SLC37A1: variants seen among roughly 807,000 people sequenced by gnomAD.
The protein encoded by SLC37A1 is glucose-6-phosphate exchanger SLC37A1.
SLC37A1 carries 49 observed loss-of-function variants against 75.3 expected under a neutral mutation model. That is an observed-to-expected ratio of 0.65 (90% CI 0.52 to 0.83). The LOEUF (loss-of-function observed/expected upper bound fraction) is 0.83, where lower values mean the gene tolerates loss of function less well. SLC37A1 is among the 40% of genes least tolerant of loss of function. The pLI is 0.00. For missense variants in SLC37A1, 566 were observed against 695.0 expected (o/e 0.81, Z 2.09); for synonymous variants, 268 against 292.1 (o/e 0.92, Z 0.84).
At chr21:42,538,712 G>A (rs1429346557) in intron 5 of SLC37A1, among the ~76,000 whole-genome samples, 1 of 152,246 alleles carries the variant, frequency 6.6e-6, no homozygotes, top group East Asian at 1.9e-4. Context: ...ATTAGGTATT[G>A]TGCTGTGATG....
chr21:42,531,968 G>T lies in SLC37A1; in HGVS notation c.139-2730G>T, dbSNP rs77771147. Among the ~76,000 whole-genome samples, 888 of 152,070 alleles carry T rather than the reference G, an allele frequency of 5.8e-3. 6 individuals are homozygous for T. The highest frequency in any genetic ancestry group is 0.021 in the African/African-American group (852 of 41,464). ...CCGGACTCACAGTGGCCCTTTCCTGGACCCTTCCCAGGGGCGGAGGGCCAG... is the reference window on the plus strand; with the variant it reads ...CCGGACTCACAGTGGCCCTTTCCTGTACCCTTCCCAGGGGCGGAGGGCCAG... On this transcript the variant is annotated intron_variant, in intron 3 of 19. Coordinates refer to ENST00000352133, the MANE Select transcript of SLC37A1 (RefSeq NM_001320537.2).
intron 4 of SLC37A1, among the ~76,000 whole-genome samples, chr21:42,535,181 TAAAAG>T (rs1466298685): frequency 5.3e-5 from 8 of 152,238 alleles, no homozygotes; most frequent in Non-Finnish European, 1.2e-4. Flanking sequence ...AGTGGACACG[TAAAAG>T]AAAAGGCATC....
At chr21:42,518,594 C>T (rs1010517209) in intron 2 of SLC37A1, 84 bp downstream of exon 2, 1 of 1,453,004 alleles carries the variant, frequency 6.9e-7, no homozygotes, top group African/African-American at 1.4e-5. Flanking sequence ...GCCCCAGTTT[C>T]ATTATAAAAC....
intron 6 of SLC37A1, 31 bp from the exon 7 acceptor site, chr21:42,542,373 A>G (rs2146881568): frequency 6.2e-7 from 1 of 1,606,344 alleles, no homozygotes; most frequent in Non-Finnish European, 8.5e-7. Flanking sequence ...TGCTTCCCAC[A>G]GGTCAGTCTC....
In SLC37A1 at chr21:42,548,822, G is replaced by T. The variant is rs2055487763; in HGVS notation, c.768+1682G>T. On this transcript the variant is annotated intron_variant, in intron 9 of 19. Coordinates refer to ENST00000352133, the MANE Select transcript of SLC37A1 (RefSeq NM_001320537.2). This position sits in a 1 kb window ranked among gnomAD's most constrained non-coding sequence, Gnocchi z 5.6. ...GAAGGGTGCGAGCCCCTCGGGCCTG[G>T]ATCATCACTGGGTCCCGGCACCTGG... Among the ~76,000 whole-genome samples, 1 of 152,216 alleles carries T rather than the reference G, an allele frequency of 6.6e-6. No homozygotes were observed. Among genetic ancestry groups the T allele is most frequent in the Admixed American group, 6.5e-5 (1 of 15,288 alleles).
In SLC37A1 at chr21:42,564,756, C is replaced by T. The variant is rs751182746; in HGVS notation, c.1184C>T (p.Ser395Phe). 5 of 1,609,070 alleles carry T rather than the reference C, an allele frequency of 3.1e-6. No homozygotes were observed. In the African/African-American group the frequency reaches 5.3e-5, roughly 17 times the overall value. The change falls in exon 14 of 20, where the codon TCC becomes TTC. Residue 395 changes from serine (S) to phenylalanine (F), a missense_variant. Coordinates refer to ENST00000352133, the MANE Select transcript of SLC37A1 (RefSeq NM_001320537.2). Reference protein sequence around the residue: ...VISDRLEKRASTCGLMLLLAA... With the variant: ...VISDRLEKRAFTCGLMLLLAA... Reference sequence around the variant, plus strand: ...TCAGACCGACTGGAGAAAAGGGCCTCCACCTGCGGCCTGATGCTGCTGCTC... The same window carrying T: ...TCAGACCGACTGGAGAAAAGGGCCTTCACCTGCGGCCTGATGCTGCTGCTC...
At position 42,566,986 on chromosome 21, in the gene SLC37A1, C is replaced by T. The variant is rs1180032372; in HGVS notation, c.1272C>T (p.Ala424=). The T allele has an allele frequency of 1.2e-6, 2 of 1,606,632 alleles. No homozygotes were observed. Among genetic ancestry groups the T allele is most frequent in the Admixed American group, 1.7e-5 (1 of 59,954 alleles). The change falls in exon 16 of 20, where the codon GCC becomes GCT. Residue 424 remains alanine, a splice_region_variant and synonymous_variant. Coordinates refer to ENST00000352133, the MANE Select transcript of SLC37A1 (RefSeq NM_001320537.2). ...TCTTTGCCCCTCTGCCTCCCACAGC[C>T]ATGCTGCTGCTCAGCGGAGCCCTGG... is the stretch of plus-strand genomic sequence containing the variant. ...VSKMGLEATI[A]MLLLSGALVS...
In SLC37A1 at chr21:42,518,424, G is replaced by A. The variant is rs761391536; in HGVS notation, c.-31G>A. Reference sequence around the variant, plus strand: ...TCATTTATGAAGCATCTTATTCTGCGACCGAGGCTCAGTGGTCAGTGGCGA... The same window carrying A: ...TCATTTATGAAGCATCTTATTCTGCAACCGAGGCTCAGTGGTCAGTGGCGA... On this transcript the variant is annotated 5_prime_UTR_variant, in exon 2 of 20. Coordinates refer to ENST00000352133, the MANE Select transcript of SLC37A1 (RefSeq NM_001320537.2). 32 of 1,613,764 alleles carry A rather than the reference G, an allele frequency of 2.0e-5. No individual in the cohort carries two copies. Among genetic ancestry groups the A allele is most frequent in the South Asian group, 4.4e-5 (4 of 91,054 alleles).
intron 6 of SLC37A1, among the ~76,000 whole-genome samples, chr21:42,541,303 T>C (rs891877597): frequency 2.6e-5 from 4 of 152,162 alleles, no homozygotes; most frequent in Non-Finnish European, 5.9e-5. Flanking sequence ...GGATCAGGAC[T>C]AGTCTGTGCC....
chr21:42,535,152 G>C (rs1010224941), intron 4 of SLC37A1, among the ~76,000 whole-genome samples: 43 of 152,270 alleles, frequency 2.8e-4, no homozygotes, highest in Non-Finnish European at 7.3e-5. Context: ...GGCCTAGGCA[G>C]GTGTGCTGCA....
intron 2 of SLC37A1, among the ~76,000 whole-genome samples, chr21:42,521,056 G>A (rs1316940639): frequency 6.6e-6 from 1 of 152,224 alleles, no homozygotes; most frequent in Non-Finnish European, 1.5e-5. Flanking sequence ...CGGGGATGTG[G>A]AGCCGCTGCA....
At chr21:42,580,209 G>A (rs1004420386) in intron 19 of SLC37A1, 136 bp from the exon 20 acceptor site, 21 of 981,134 alleles carry the variant, frequency 2.1e-5, no homozygotes, top group Non-Finnish European at 3.3e-5. Context: ...CAGCACCCCT[G>A]CAGGAGAGGA....
chr21:42,556,836 C>T (rs1048339602), intron 10 of SLC37A1, among the ~76,000 whole-genome samples: 3 of 152,210 alleles, frequency 2.0e-5, no homozygotes. Context: ...CCATCTCCTC[C>T]AGGAGCAAAC....
At chr21:42,528,997 T>C (rs2054871745) in intron 3 of SLC37A1, among the ~76,000 whole-genome samples, 1 of 152,192 alleles carries the variant, frequency 6.6e-6, no homozygotes, top group African/African-American at 2.4e-5. Context: ...GGGTTTTTTT[T>C]AATTGAATAA....
intron 17 of SLC37A1, among the ~76,000 whole-genome samples, chr21:42,570,589 A>C (rs3788032): frequency 0.75 from 113,819 of 152,104 alleles, 43,644 homozygotes; most frequent in African/African-American, 0.84. Flanking sequence ...GCCTCAGTGG[A>C]CTGCAGTCTG....
At chr21:42,530,654 A>ACACACACACACACACACCCCCC (rs1161313598) in intron 3 of SLC37A1, among the ~76,000 whole-genome samples, 1 of 35,880 alleles carries the variant, frequency 2.8e-5, no homozygotes, top group Non-Finnish European at 5.2e-5. Flanking sequence ...ACACACACAC[A>ACACACACACACACACACCCCCC]CCCCCTCTGT....
At chr21:42,558,058 C>T (rs2055736002) in intron 10 of SLC37A1, among the ~76,000 whole-genome samples, 1 of 152,230 alleles carries the variant, frequency 6.6e-6, no homozygotes, top group African/African-American at 2.4e-5. Flanking sequence ...CCTCCTGCCT[C>T]AGCCTCCAGA....
chr21:42,544,207 C>T (rs558414722), intron 8 of SLC37A1, among the ~76,000 whole-genome samples: 3 of 152,154 alleles, frequency 2.0e-5, no homozygotes, highest in African/African-American at 7.2e-5. Flanking sequence ...GGCGGTCACA[C>T]GACAGGGGCT....
chr21:42,541,607 A>T (rs1474284481), intron 6 of SLC37A1, among the ~76,000 whole-genome samples: 1 of 152,248 alleles, frequency 6.6e-6, no homozygotes, highest in Non-Finnish European at 1.5e-5. Flanking sequence ...GTTCGTGTTC[A>T]TTCCAGAGAA....
Sources: gnomAD v4.1 joint callset for allele counts (sites outside exome capture counted in the v4.1 genomes callset) on GRCh38, gnomAD v4.1.1 for gene constraint, Gnocchi (gnomAD v3.1) non-coding constraint, MANE v1.5 for transcripts, NCBI Gene and HGNC (gene_info 2026-07-23, HGNC 2026-07-21) for gene names.